Variants in CNTN4 observed in about 807,000 individuals in gnomAD.
CNTN4 encodes the protein contactin-4.
Under a neutral mutation model 122.5 loss-of-function variants are expected in CNTN4, and 77 were observed. The observed-to-expected ratio is 0.63, with a 90% CI of 0.52 to 0.76. The LOEUF is 0.76. CNTN4 is among the 30% of genes least tolerant of loss of function. The pLI, the probability that CNTN4 is intolerant of heterozygous loss-of-function variation, is 0.00. For missense variants in CNTN4, 1,256 were observed against 1,259.1 expected (o/e 1.00, Z 0.04); for synonymous variants, 512 against 447.0 (o/e 1.15, Z -1.83).
chr3:2,167,261 T>TATC (rs2036236343), intron 2 of CNTN4, among the ~76,000 whole-genome samples: 1 of 152,100 alleles, frequency 6.6e-6, no homozygotes, highest in Non-Finnish European at 1.5e-5. Flanking sequence ...TGATTGGACA[T>TATC]ATGGTTCAAA....
At chr3:2,851,981 T>G (rs558489522) in intron 7 of CNTN4, among the ~76,000 whole-genome samples, 2 of 152,210 alleles carry the variant, frequency 1.3e-5, no homozygotes, top group African/African-American at 2.4e-5. Flanking sequence ...ATACATGAAC[T>G]CTAAGTAAAA....
chr3:2,902,047 C>T (rs963400748), intron 11 of CNTN4, among the ~76,000 whole-genome samples: 1 of 152,116 alleles, frequency 6.6e-6, no homozygotes, highest in African/African-American at 2.4e-5. Flanking sequence ...GACACTTGGG[C>T]TTGTTTCTTA....
chr3:2,239,343 T>TG, intron 2 of CNTN4, among the ~76,000 whole-genome samples: 1 of 152,300 alleles, frequency 6.6e-6, no homozygotes, highest in South Asian at 2.1e-4. Flanking sequence ...AGTATAACAT[T>TG]GAGTCCTAAC....
chr3:3,027,268 A>G (rs949600254), intron 15 of CNTN4, among the ~76,000 whole-genome samples: 1 of 152,188 alleles, frequency 6.6e-6, no homozygotes, highest in Non-Finnish European at 1.5e-5. Flanking sequence ...TCTCAGTTCT[A>G]TGCCAAGAGT....
At chr3:2,631,102 A>G (rs527477532) in intron 4 of CNTN4, among the ~76,000 whole-genome samples, 2 of 152,334 alleles carry the variant, frequency 1.3e-5, no homozygotes, top group South Asian at 2.1e-4. Context: ...TCTAAGAGCA[A>G]TAGCCCTGAT....
At chr3:2,505,465 A>C (rs1391511603) in intron 3 of CNTN4, among the ~76,000 whole-genome samples, 1 of 152,194 alleles carries the variant, frequency 6.6e-6, no homozygotes, top group African/African-American at 2.4e-5. Context: ...ACTTAATTAC[A>C]TTTTATGTGT....
intron 3 of CNTN4, among the ~76,000 whole-genome samples, chr3:2,449,125 C>T (rs1464976998): frequency 6.6e-6 from 1 of 152,088 alleles, no homozygotes; most frequent in East Asian, 1.9e-4. Context: ...TATACATTTT[C>T]CCAAGCTAGG....
chr3:3,028,753 T>A (rs957024937), intron 15 of CNTN4, among the ~76,000 whole-genome samples: 1 of 152,202 alleles, frequency 6.6e-6, no homozygotes, highest in African/African-American at 2.4e-5. Context: ...ATAGTGATAA[T>A]TCCTGATACT....
intron 3 of CNTN4, among the ~76,000 whole-genome samples, chr3:2,484,719 A>C (rs899006917): frequency 1.3e-5 from 2 of 152,188 alleles, no homozygotes; most frequent in Non-Finnish European, 2.9e-5. Flanking sequence ...TTTTCTGTGT[A>C]TCCTGAGCCT....
chr3:2,584,727 A>T (rs571834321), intron 4 of CNTN4, among the ~76,000 whole-genome samples: 2 of 151,478 alleles, frequency 1.3e-5, no homozygotes, highest in Admixed American at 6.6e-5. Flanking sequence ...AAAAAGAATA[A>T]AAAAAAGGGA....
At chr3:2,382,489 TAC>T (rs2046066469) in intron 3 of CNTN4, among the ~76,000 whole-genome samples, 1 of 152,136 alleles carries the variant, frequency 6.6e-6, no homozygotes, top group Non-Finnish European at 1.5e-5. Context: ...TTAGATTACT[TAC>T]ACCAGGAGGC....
chr3:2,384,896 G>A (rs1418976035), intron 3 of CNTN4, among the ~76,000 whole-genome samples: 1 of 151,678 alleles, frequency 6.6e-6, no homozygotes, highest in Non-Finnish European at 1.5e-5. Flanking sequence ...TTAGTGCACT[G>A]CCTTAAGCAA....
intron 3 of CNTN4, among the ~76,000 whole-genome samples, chr3:2,373,077 T>A (rs1182216881): frequency 6.6e-6 from 1 of 151,632 alleles, no homozygotes; most frequent in Non-Finnish European, 1.5e-5. Flanking sequence ...ATAAATAGAT[T>A]GACCTGAAAA....
intron 6 of CNTN4, among the ~76,000 whole-genome samples, chr3:2,786,454 GCTCC>G: frequency 1.3e-5 from 2 of 152,286 alleles, no homozygotes; most frequent in East Asian, 3.9e-4. Flanking sequence ...TTACCTGCGT[GCTCC>G]CTCACCCTCA....
chr3:2,607,340 A>T (rs1268037624), intron 4 of CNTN4, among the ~76,000 whole-genome samples: 2 of 152,152 alleles, frequency 1.3e-5, no homozygotes, highest in African/African-American at 4.8e-5. Context: ...CATTACTGGG[A>T]TGTTCACCAA....
At chr3:2,158,421 C>T (rs2035814514) in intron 2 of CNTN4, among the ~76,000 whole-genome samples, 1 of 152,134 alleles carries the variant, frequency 6.6e-6, no homozygotes, top group Non-Finnish European at 1.5e-5. Context: ...TGGTTGTGGT[C>T]TCAACCACTG....
intron 6 of CNTN4, among the ~76,000 whole-genome samples, chr3:2,785,040 A>T (rs1393614702): frequency 6.6e-6 from 1 of 151,928 alleles, no homozygotes; most frequent in Non-Finnish European, 1.5e-5. Flanking sequence ...AGTCTTATTT[A>T]TTCATTCTTC....
At chr3:2,800,336 C>G (rs146570302) in intron 6 of CNTN4, among the ~76,000 whole-genome samples, 1 of 151,966 alleles carries the variant, frequency 6.6e-6, no homozygotes, top group African/African-American at 2.4e-5. Context: ...TAATTTTTTT[C>G]GGGTCTAGAC....
At chr3:2,200,287 G>C (rs1314046069) in intron 2 of CNTN4, among the ~76,000 whole-genome samples, 1 of 152,138 alleles carries the variant, frequency 6.6e-6, no homozygotes, top group African/African-American at 2.4e-5. Flanking sequence ...TAAGTAAGGG[G>C]AGAAATCAAA....
Sources: allele counts gnomAD v4.1 joint callset (sites outside exome capture counted in the v4.1 genomes callset), GRCh38; gene constraint gnomAD v4.1.1; transcripts MANE v1.5; gene names NCBI Gene and HGNC (gene_info 2026-07-23, HGNC 2026-07-21).